ADAMTS6: variants seen among roughly 807,000 people sequenced by gnomAD.
ADAMTS6 encodes A disintegrin and metalloproteinase with thrombospondin motifs 6.
A neutral mutation model predicts 144.3 loss-of-function variants in ADAMTS6; 23 were observed. The ratio of observed to expected loss-of-function variants is 0.16; its 90% CI spans 0.11 to 0.23. The LOEUF (loss-of-function observed/expected upper bound fraction) is 0.23, where lower values mean the gene tolerates loss of function less well. Ranked by LOEUF, ADAMTS6 falls within the 10% of genes least tolerant of loss-of-function variation. The pLI, the probability that ADAMTS6 is intolerant of heterozygous loss-of-function variation, is 1.00. For synonymous variants in ADAMTS6, 444 were observed against 457.5 expected (o/e 0.97, Z 0.38); for missense variants, 999 against 1,379.6 (o/e 0.72, Z 4.37).
intron 12 of ADAMTS6, among the ~76,000 whole-genome samples, chr5:65,267,474 A>G (rs1468826062): frequency 1.3e-5 from 2 of 152,104 alleles, no homozygotes; most frequent in Non-Finnish European, 2.9e-5. Context: ...TTCTAAATTA[A>G]ATAAATGTTT....
At chr5:65,432,285 C>T (rs1314289085) in intron 7 of ADAMTS6, among the ~76,000 whole-genome samples, 1 of 151,756 alleles carries the variant, frequency 6.6e-6, no homozygotes, top group African/African-American at 2.4e-5. Flanking sequence ...CTCTTTATTC[C>T]CCAAATCTCC....
chr5:65,481,025 CAGTTA>C (rs1408242661), intron 1 of ADAMTS6, among the ~76,000 whole-genome samples: 1 of 151,938 alleles, frequency 6.6e-6, no homozygotes, highest in Non-Finnish European at 1.5e-5. Context: ...ATTTGGTGAT[CAGTTA>C]AAAGATTACA....
intron 15 of ADAMTS6, among the ~76,000 whole-genome samples, chr5:65,233,436 C>G (rs771574459): frequency 6.6e-6 from 1 of 151,746 alleles, no homozygotes; most frequent in Non-Finnish European, 1.5e-5. Context: ...ACATAGAAAA[C>G]CCTAAAGGCT....
chr5:65,269,642 T>C (rs1761902792), intron 12 of ADAMTS6, among the ~76,000 whole-genome samples: 1 of 152,150 alleles, frequency 6.6e-6, no homozygotes, highest in Non-Finnish European at 1.5e-5. Flanking sequence ...GCCATTAAAT[T>C]ACTGTTCAAT....
chr5:65,466,524 A>C (rs1470943227), intron 3 of ADAMTS6, among the ~76,000 whole-genome samples: 1 of 152,136 alleles, frequency 6.6e-6, no homozygotes, highest in African/African-American at 2.4e-5. Context: ...GATAACAGAG[A>C]TTTTTATTTT....
chr5:65,286,265 G>A (rs1217230761), intron 11 of ADAMTS6, among the ~76,000 whole-genome samples: 5 of 151,992 alleles, frequency 3.3e-5, no homozygotes, highest in African/African-American at 1.2e-4. Context: ...TCTATTAATG[G>A]TCAATTTTAG....
chr5:65,383,752 C>T (rs1752247729), intron 7 of ADAMTS6, among the ~76,000 whole-genome samples: 1 of 152,130 alleles, frequency 6.6e-6, no homozygotes, highest in African/African-American at 2.4e-5. Flanking sequence ...AGACTCTCTC[C>T]AAAGCTCCAC....
intron 7 of ADAMTS6, among the ~76,000 whole-genome samples, chr5:65,339,309 TA>T (rs939707592): frequency 2.6e-5 from 4 of 152,126 alleles, no homozygotes. Flanking sequence ...GAACCAAGGC[TA>T]ACAGACCCCA....
intron 18 of ADAMTS6, 105 bp downstream of exon 18, chr5:65,224,215 A>G (rs1412944699): frequency 1.1e-6 from 1 of 902,800 alleles, no homozygotes; most frequent in East Asian, 2.5e-5. Flanking sequence ...TTTTAGCATG[A>G]AAGTGATCTA....
chr5:65,360,714 C>G (rs1317395574), intron 7 of ADAMTS6, among the ~76,000 whole-genome samples: 1 of 152,014 alleles, frequency 6.6e-6, no homozygotes, highest in Non-Finnish European at 1.5e-5. Context: ...TTCATTCACA[C>G]GGTGGGAATT....
chr5:65,321,223 CT>C (rs1316860643), intron 9 of ADAMTS6, among the ~76,000 whole-genome samples: 3 of 152,122 alleles, frequency 2.0e-5, no homozygotes, highest in African/African-American at 7.2e-5. Flanking sequence ...TTAATTTTGA[CT>C]TTTTAACAAT....
chr5:65,471,117 G>A lies in ADAMTS6; in HGVS notation c.123C>T (p.His41=), dbSNP rs1468702830. 6.2e-7 allele frequency: 1 copy of A among 1,605,286 alleles called. No individual in the cohort carries two copies. The highest frequency in any genetic ancestry group is 8.5e-7 in the Non-Finnish European group (1 of 1,177,276). ...CCCTTATTGGAATAGTTAGCTGGTA[G>A]TGTTCAAGATAAGTCAGGAATTCCT... The part of the protein sequence containing the change: ...SQEEFLTYLE[H]YQLTIPIRVD... Residue 41 remains histidine (H), a synonymous_variant, in exon 3 of 25, where the codon CAC becomes CAT. Transcript: ENST00000381055.
intron 14 of ADAMTS6, among the ~76,000 whole-genome samples, chr5:65,249,668 C>T (rs1759978527): frequency 6.6e-6 from 1 of 152,186 alleles, no homozygotes; most frequent in African/African-American, 2.4e-5. Context: ...GAGGTTGCTG[C>T]AGACCCATAG....
At position 65,302,061 on chromosome 5, in the gene ADAMTS6, T is replaced by A. The variant is rs114892232; in HGVS notation, c.1224-1930A>T. Among the ~76,000 whole-genome samples the A allele has an allele frequency of 5.3e-3, 716 of 135,428 alleles. 6 individuals are homozygous for A. The highest frequency in any genetic ancestry group is 0.019 in the African/African-American group (678 of 35,810). The allele number at this position is 135,428 out of a possible 152,430, so 88.8% of individuals were successfully genotyped here. A position where few individuals can be genotyped will look rare whatever the true frequency, so the allele number is the denominator to read the frequency against. On this transcript the variant is annotated intron_variant, in intron 9 of 24. Transcript: ENST00000381055. ...AAGCTGAGACCATACCACTATACTA[T>A]AGCTAGGGTAACAGAGCAAGGCTCT...
rs3078364 is a variant in ADAMTS6, at chr5:65,234,078, C to CAAA, written c.1934-7862_1934-7860dup. 3.5e-3 allele frequency among the ~76,000 whole-genome samples: 319 copies of CAAA among 90,390 alleles called. 2 individuals are homozygous for CAAA. The highest frequency in any genetic ancestry group is 0.012 in the African/African-American group (308 of 26,494). 59.3% of individuals were successfully genotyped at this position (90,390 alleles called of 152,430 possible). On this transcript the variant is annotated intron_variant, in intron 15 of 24. Transcript: ENST00000381055. ...GCTGGGGAAAATAGATGGTCACGTG[C>CAAA]AAAAAAAAAAAAAAAGAATAAAGAA...
chr5:65,286,830 A>T (rs1287785496), intron 11 of ADAMTS6, among the ~76,000 whole-genome samples: 1 of 152,174 alleles, frequency 6.6e-6, no homozygotes, highest in African/African-American at 2.4e-5. Context: ...CTCATTAGTG[A>T]CTTCCTTCCT....
At chr5:65,332,312 T>TATAGAG (rs1384467152) in intron 8 of ADAMTS6, among the ~76,000 whole-genome samples, 104 of 102,102 alleles carry the variant, frequency 1.0e-3, no homozygotes, top group Non-Finnish European at 1.4e-3. Context: ...TATATATATA[T>TATAGAG]AGAGAGAGAG....
chr5:65,296,659 T>C (rs1742866474), intron 10 of ADAMTS6, among the ~76,000 whole-genome samples: 1 of 152,194 alleles, frequency 6.6e-6, no homozygotes, highest in Non-Finnish European at 1.5e-5. Context: ...GCTTTGGTCA[T>C]CTTGCTCATC....
chr5:65,322,865 G>C (rs542970418), intron 9 of ADAMTS6, among the ~76,000 whole-genome samples: 52 of 152,130 alleles, frequency 3.4e-4, no homozygotes, highest in Admixed American at 1.2e-3. Context: ...TTCGAATGCC[G>C]TTTATTTCTT....
Sources: allele counts gnomAD v4.1 joint callset (sites outside exome capture counted in the v4.1 genomes callset), GRCh38; gene constraint gnomAD v4.1.1; transcripts MANE v1.5; gene names NCBI Gene and HGNC (gene_info 2026-07-23, HGNC 2026-07-21).